The following AHCTF1 variants were observed in gnomAD, a reference collection of about 807,000 sequenced individuals.
AHCTF1 encodes the protein AT-hook containing transcription factor 1.
Under a neutral mutation model 248.4 loss-of-function variants are expected in AHCTF1, and 24 were observed. The ratio of observed to expected loss-of-function variants is 0.10; its 90% CI spans 0.07 to 0.14. The LOEUF is 0.14. Ranked by LOEUF, AHCTF1 falls within the 10% of genes least tolerant of loss-of-function variation. The pLI, the probability that AHCTF1 is intolerant of heterozygous loss-of-function variation, is 1.00. For missense variants in AHCTF1, 2,206 were observed against 2,636.2 expected (o/e 0.84, Z 3.57); for synonymous variants, 786 against 929.8 (o/e 0.85, Z 2.81).
chr1:246,861,499 T>C (rs553276755), intron 28 of AHCTF1, among the ~76,000 whole-genome samples: 7 of 152,322 alleles, frequency 4.6e-5, no homozygotes, highest in African/African-American at 1.7e-4. Flanking sequence ...ATTGGTAATA[T>C]ACCAGTATTT....
intron 21 of AHCTF1, among the ~76,000 whole-genome samples, chr1:246,881,850 CA>C (rs943975884): frequency 1.2e-4 from 15 of 126,848 alleles, no homozygotes; most frequent in Admixed American, 2.4e-4. Flanking sequence ...AAAAAAAAAC[CA>C]AAAAAAAAAA....
At chr1:246,908,582 T>C (rs1281556349) in intron 4 of AHCTF1, among the ~76,000 whole-genome samples, 1 of 151,986 alleles carries the variant, frequency 6.6e-6, no homozygotes, top group Non-Finnish European at 1.5e-5. Context: ...CTTAATGAAA[T>C]AAGGGACTTA....
chr1:246,892,668 G>A (rs1345131153), intron 14 of AHCTF1, among the ~76,000 whole-genome samples: 1 of 151,968 alleles, frequency 6.6e-6, no homozygotes, highest in South Asian at 2.1e-4. Flanking sequence ...GTCTCACTCT[G>A]TCACCTGGGC....
intron 33 of AHCTF1, among the ~76,000 whole-genome samples, chr1:246,848,495 C>T (rs1660452444): frequency 6.6e-6 from 1 of 151,708 alleles, no homozygotes; most frequent in African/African-American, 2.4e-5. Flanking sequence ...GCCACCGTGA[C>T]CGGCCAAGTC....
At chr1:246,868,128 AT>A (rs1028892311) in intron 24 of AHCTF1, among the ~76,000 whole-genome samples, 280 of 133,784 alleles carry the variant, frequency 2.1e-3, no homozygotes, top group Middle Eastern at 3.9e-3. Context: ...AGCCCGGCTA[AT>A]TTTTTTTTTT....
At chr1:246,886,967 G>A (rs1196065774) in intron 20 of AHCTF1, among the ~76,000 whole-genome samples, 1 of 152,100 alleles carries the variant, frequency 6.6e-6, no homozygotes, top group Non-Finnish European at 1.5e-5. Flanking sequence ...CACTGTATCT[G>A]AACTATCGTA....
intron 21 of AHCTF1, among the ~76,000 whole-genome samples, chr1:246,877,549 C>CA (rs34071076): frequency 0.21 from 31,686 of 151,878 alleles, 3,647 homozygotes; most frequent in East Asian, 0.31. Context: ...GCAAAGTAGA[C>CA]AAAAATTCAA....
At chr1:246,849,327 A>G (rs1305458743) in intron 33 of AHCTF1, among the ~76,000 whole-genome samples, 1 of 152,236 alleles carries the variant, frequency 6.6e-6, no homozygotes, top group African/African-American at 2.4e-5. Flanking sequence ...GAAGAAACTT[A>G]ATTAAAAGTC....
rs1335045799 is a variant in AHCTF1 at position 246,931,864 on chromosome 1, T to G, written c.-294A>C. On this transcript the variant is annotated 5_prime_UTR_variant, in exon 1 of 36. Transcript: ENST00000648844. ...ACGCAGTCGCTGCTCCCGCCGCGCT[T>G]CTGGGTCCTTCCCCTTGCAACGCTG... 1 of 152,506 alleles carries G rather than the reference T, an allele frequency of 6.6e-6. No individual in the cohort carries two copies. Among genetic ancestry groups the G allele is most frequent in the Non-Finnish European group, 1.5e-5 (1 of 68,426 alleles). 9.4% of individuals were successfully genotyped at this position (152,506 alleles called of 1,614,324 possible). A position where few individuals can be genotyped will look rare whatever the true frequency, so the allele number is the denominator to read the frequency against.
intron 21 of AHCTF1, among the ~76,000 whole-genome samples, chr1:246,877,618 A>G (rs1201946182): frequency 6.6e-6 from 1 of 152,186 alleles, no homozygotes; most frequent in Non-Finnish European, 1.5e-5. Context: ...GGTGTGACAG[A>G]GGAACATCAG....
chr1:246,920,142 CAAAAAAAAAAAAA>C lies in AHCTF1; in HGVS notation c.-7-1778_-7-1766del, dbSNP rs68194249. Among the ~76,000 whole-genome samples the C allele has an allele frequency of 2.0e-4, 8 of 40,804 alleles. No homozygotes were observed. In the South Asian group the frequency reaches 5.3e-3, roughly 27 times the overall value. 26.8% of individuals were successfully genotyped at this position (40,804 alleles called of 152,430 possible). ...CGACACAGTGAGACTCTGTCCCCCG[CAAAAAAAAAAAAA>C]AAAAAAAAAAAAAGAAAAGAAGCTC... is the stretch of plus-strand genomic sequence containing the variant. On this transcript the variant is annotated intron_variant, in intron 1 of 35. Coordinates refer to ENST00000648844, the MANE Select transcript of AHCTF1 (RefSeq NM_001323342.2).
intron 1 of AHCTF1, among the ~76,000 whole-genome samples, chr1:246,925,669 T>C (rs1387880680): frequency 6.6e-6 from 1 of 152,124 alleles, no homozygotes; most frequent in Non-Finnish European, 1.5e-5. Context: ...CCCAATCTCA[T>C]ACTGAAATGT....
chr1:246,918,893 G>C (rs185156945), intron 1 of AHCTF1, among the ~76,000 whole-genome samples: 20 of 152,300 alleles, frequency 1.3e-4, no homozygotes, highest in Admixed American at 6.5e-4. Flanking sequence ...AAAAGAAAAA[G>C]TGATTGGTGT....
intron 12 of AHCTF1, among the ~76,000 whole-genome samples, chr1:246,896,805 A>C (rs531056807): frequency 1.3e-4 from 20 of 152,334 alleles, no homozygotes; most frequent in Admixed American, 4.6e-4. Context: ...TCATTACAGG[A>C]GCAAATTAAA....
At chr1:246,843,656 G>A (rs1338378912) in intron 34 of AHCTF1, 139 bp downstream of exon 34, 11 of 784,928 alleles carry the variant, frequency 1.4e-5, no homozygotes, top group African/African-American at 3.7e-5. Flanking sequence ...ATGCATGACT[G>A]TTATCTTTAA....
chr1:246,904,024 A>T lies in AHCTF1; in HGVS notation c.891T>A (p.Asp297Glu). 1 of 1,613,838 alleles carries T rather than the reference A, an allele frequency of 6.2e-7. No individual in the cohort carries two copies. The highest frequency in any genetic ancestry group is 8.5e-7 in the Non-Finnish European group (1 of 1,179,800). Residue 297 changes from aspartate (D) to glutamate (E), a missense_variant, in exon 7 of 36, where the codon GAT becomes GAA. By Grantham distance (45) the Asp-to-Glu change is conservative. This residue lies in a region of AHCTF1 where 650 missense variants were observed against 870.8 expected (regional missense o/e 0.75). Coordinates refer to ENST00000648844, the MANE Select transcript of AHCTF1 (RefSeq NM_001323342.2). The stretch of plus-strand genomic sequence containing the variant: ...GCTGCAGCAGATGCAAACTCAAAAC[A>T]TCCCCTTCACTGAAACAGAAATTAA... ...AVQSTQDSEG[D>E]VLSLHLLQLA...
chr1:246,909,964 A>C (rs557646597), intron 4 of AHCTF1, among the ~76,000 whole-genome samples: 2 of 152,308 alleles, frequency 1.3e-5, no homozygotes, highest in South Asian at 4.1e-4. Context: ...CCACTAGTTT[A>C]AAGTTGATGA....
intron 20 of AHCTF1, 59 bp downstream of exon 20, chr1:246,887,152 T>A: frequency 6.6e-7 from 1 of 1,526,406 alleles, no homozygotes; most frequent in South Asian, 1.3e-5. Flanking sequence ...TTAAATTATG[T>A]GTATTTTCTA....
rs576744929 is a variant in AHCTF1, at chr1:246,890,348, T to C, written c.2051-289A>G. On this transcript the variant is annotated intron_variant, in intron 16 of 35. Coordinates refer to ENST00000648844, the MANE Select transcript of AHCTF1 (RefSeq NM_001323342.2). ...CAAATAATAATTTGAAAGCAAGAAA[T>C]GTTCACTACAAATCAAAATCTAAGA... Among the ~76,000 whole-genome samples, 9 of 152,160 alleles carry C rather than the reference T, an allele frequency of 5.9e-5. No individual in the cohort carries two copies. In the South Asian group the frequency reaches 1.9e-3, roughly 32 times the overall value.
Sources: allele counts gnomAD v4.1 joint callset (sites outside exome capture counted in the v4.1 genomes callset), GRCh38; gene constraint gnomAD v4.1.1; regional missense constraint gnomAD v4.1.1; transcripts MANE v1.5; gene names NCBI Gene and HGNC (gene_info 2026-07-23, HGNC 2026-07-21).